Variants in KCNH3 observed in about 807,000 individuals in gnomAD.
KCNH3 encodes the protein voltage-gated inwardly rectifying potassium channel KCNH3.
A neutral mutation model predicts 95.6 loss-of-function variants in KCNH3; 36 were observed. That is an observed-to-expected ratio of 0.38 (90% confidence interval 0.29 to 0.50). KCNH3 has a LOEUF of 0.50. Ranked by LOEUF, KCNH3 falls within the 20% of genes least tolerant of loss-of-function variation. KCNH3 has a pLI of 0.95. For missense variants in KCNH3, 1,030 were observed against 1,484.1 expected (o/e 0.69, Z 5.03); for synonymous variants, 620 against 646.3 (o/e 0.96, Z 0.62).
chr12:49,543,806 A>C, intron 5 of KCNH3, 109 bp from the exon 6 acceptor site: 1 of 1,400,078 alleles, frequency 7.1e-7, no homozygotes. Context: ...AAGACGATGT[A>C]TGGGAAGGGC....
rs148545875 is a variant in KCNH3 at position 49,548,840 on chromosome 12, G to A, written c.1190-55G>A. On this transcript the variant is annotated intron_variant, in intron 7 of 14. Transcript: ENST00000257981. ...CTGCGTGTCCCCACCCCCAGGGCCC[G>A]GCATCCTCGCCCACAGTCTTCCTGC... is the stretch of plus-strand genomic sequence containing the variant. 3,522 of 1,485,894 alleles carry A rather than the reference G, an allele frequency of 2.4e-3. 40 individuals carry two copies. Among genetic ancestry groups the A allele is most frequent in the South Asian group, 0.018 (1,399 of 75,914 alleles). The allele number at this position is 1,485,894 out of a possible 1,614,324, so 92.0% of individuals were successfully genotyped here.
In KCNH3 at chr12:49,557,202, T is replaced by G. The variant is rs761637634; in HGVS notation, c.2595T>G (p.Val865=). 4 of 1,613,484 alleles carry G rather than the reference T, an allele frequency of 2.5e-6. No individual in the cohort carries two copies. The highest frequency in any genetic ancestry group is 3.4e-6 in the Non-Finnish European group (4 of 1,179,858). The change falls in exon 14 of 15, where the codon GTT becomes GTG. Residue 865 remains valine, a synonymous_variant. Coordinates refer to ENST00000257981, the MANE Select transcript of KCNH3 (RefSeq NM_012284.3). Reference sequence around the variant, plus strand: ...CCACAGAGAGCGGCCTGCTCACTGTTCCCCATGGGCCCAGCGAGGCAAGGA... The same window carrying G: ...CCACAGAGAGCGGCCTGCTCACTGTGCCCCATGGGCCCAGCGAGGCAAGGA... The part of the protein sequence containing the change: ...SPGPESGLLT[V]PHGPSEARNT...
rs1411637898 is a variant in KCNH3 at position 49,554,317 on chromosome 12, C to T, written c.1919-20C>T. On this transcript the variant is annotated intron_variant, in intron 10 of 14. Coordinates refer to ENST00000257981, the MANE Select transcript of KCNH3 (RefSeq NM_012284.3). ...GGCTGAAGCTCTCAGGGCTTGCTGA[C>T]CTCTACTTCCTCTCCCCAGGGAAGG... 6.2e-7 allele frequency: 1 copy of T among 1,605,252 alleles called. No homozygotes were observed. The highest frequency in any genetic ancestry group is 8.5e-7 in the Non-Finnish European group (1 of 1,173,242).
Position 49,549,065 on chromosome 12 carries a change from AC to A in KCNH3, c.1362del (p.Ser455ProfsTer37). The A allele has an allele frequency of 6.2e-7, 1 of 1,611,542 alleles. No homozygotes were observed. The highest frequency in any genetic ancestry group is 8.5e-7 in the Non-Finnish European group (1 of 1,179,572). ...GGPSLRSAYI[T>X]SLYFALSSLT... ...CCCGTCGCTGCGCAGCGCCTACATCACCTCCCTCTACTTCGCACTCAGCAGC... is the reference window on the plus strand; with the variant it reads ...CCCGTCGCTGCGCAGCGCCTACATCACTCCCTCTACTTCGCACTCAGCAGC... On this transcript the variant is annotated frameshift_variant, in exon 8 of 15. Coordinates refer to ENST00000257981, the MANE Select transcript of KCNH3 (RefSeq NM_012284.3). LOFTEE classifies it high-confidence loss of function.
At chr12:49,543,714 C>A in intron 5 of KCNH3, 196 bp downstream of exon 5, 1 of 1,006,636 alleles carries the variant, frequency 9.9e-7, no homozygotes, top group African/African-American at 1.6e-5. Flanking sequence ...TGGTCAAAGC[C>A]TCTCTGAGCC....
chr12:49,557,463 C>T lies in KCNH3; in HGVS notation c.2762C>T (p.Ala921Val), dbSNP rs1938512160. The T allele has an allele frequency of 2.5e-6, 4 of 1,611,010 alleles. No homozygotes were observed. Among genetic ancestry groups the T allele is most frequent in the Non-Finnish European group, 3.4e-6 (4 of 1,179,090 alleles). Reference protein sequence around the residue: ...APHREGPCPRASGEGPCPAST... With the variant: ...APHREGPCPRVSGEGPCPAST... The stretch of plus-strand genomic sequence containing the variant: ...CACAGGGAGGGTCCGTGCCCTCGGG[C>T]ATCGGGAGAGGGGCCGTGCCCAGCC... The change falls in exon 15 of 15, where the codon GCA (alanine) becomes GTA (valine). Residue 921 changes from alanine to valine, a missense_variant. Transcript: ENST00000257981.
In KCNH3 at chr12:49,555,929, G is replaced by A; in HGVS notation, c.2446G>A (p.Val816Met). 1.9e-6 allele frequency: 3 copies of A among 1,565,592 alleles called. No homozygotes were observed. The highest frequency in any genetic ancestry group is 2.3e-5 in the South Asian group (2 of 86,400). Residue 816 changes from valine (V) to methionine (M), a missense_variant, in exon 12 of 15, where the codon GTG (valine) becomes ATG (methionine). By Grantham distance (21) the Val-to-Met change is conservative. Coordinates refer to ENST00000257981, the MANE Select transcript of KCNH3 (RefSeq NM_012284.3). Reference sequence around the variant, plus strand: ...ACGGCTGCCCCCCATGCCATGGAATGTGCCCCCAGATCTGAGCCCCAGGTG... The same window carrying A: ...ACGGCTGCCCCCCATGCCATGGAATATGCCCCCAGATCTGAGCCCCAGGTG... ...GLRLPPMPWN[V>M]PPDLSPRVVD... is the part of the protein sequence containing the mutation.
chr12:49,542,628 CTG>C (rs1320387518), intron 3 of KCNH3, 76 bp from the exon 4 acceptor site: 13 of 1,463,574 alleles, frequency 8.9e-6, no homozygotes, highest in Non-Finnish European at 1.2e-5. Flanking sequence ...GGGCCAGCAA[CTG>C]TGTCCTACAC....
intron 8 of KCNH3, 99 bp downstream of exon 8, chr12:49,549,272 T>C (rs1044010763): frequency 2.4e-5 from 35 of 1,481,286 alleles, no homozygotes; most frequent in African/African-American, 4.2e-5. Context: ...CGGGGGCTCT[T>C]CCGCTTTAGG....
At position 49,557,890 on chromosome 12, in the gene KCNH3, G is replaced by A. The variant is rs774423276; in HGVS notation, c.3189G>A (p.Val1063=). The A allele has an allele frequency of 1.6e-5, 24 of 1,544,280 alleles. No individual in the cohort carries two copies. Among genetic ancestry groups the A allele is most frequent in the Non-Finnish European group, 1.9e-5 (22 of 1,146,166 alleles). Residue 1063 remains valine, a synonymous_variant, in exon 15 of 15, where the codon GTG becomes GTA. Coordinates refer to ENST00000257981, the MANE Select transcript of KCNH3 (RefSeq NM_012284.3). The part of the protein sequence containing the change: ...LPWDPHSLEM[V]LIGCHGSGTV... ...GGGACCCCCACAGCCTGGAGATGGT[G>A]CTTATTGGCTGCCATGGCTCTGGCA...
intron 7 of KCNH3, among the ~76,000 whole-genome samples, chr12:49,544,910 C>T (rs1268465481): frequency 6.6e-6 from 1 of 152,140 alleles, no homozygotes; most frequent in Non-Finnish European, 1.5e-5. Flanking sequence ...CACTCTCCTT[C>T]ATGTCACCTC....
intron 10 of KCNH3, among the ~76,000 whole-genome samples, chr12:49,551,594 A>T (rs1002064512): frequency 6.6e-6 from 1 of 151,446 alleles, no homozygotes; most frequent in Non-Finnish European, 1.5e-5. Flanking sequence ...AAAAAAAAAA[A>T]AAAAGAAAAG....
intron 7 of KCNH3, among the ~76,000 whole-genome samples, chr12:49,546,516 T>G (rs1180317463): frequency 6.6e-6 from 1 of 152,260 alleles, no homozygotes; most frequent in African/African-American, 2.4e-5. Flanking sequence ...TTGCCTGGGT[T>G]TCCTTTTCCA....
chr12:49,547,729 AG>A (rs1378480957), intron 7 of KCNH3, among the ~76,000 whole-genome samples: 16 of 152,118 alleles, frequency 1.1e-4, no homozygotes, highest in Admixed American at 1.0e-3. Flanking sequence ...AGTCTGGAGT[AG>A]GGGGTCTGTG....
chr12:49,555,284 CAAAAA>C (rs1157061451), intron 11 of KCNH3, among the ~76,000 whole-genome samples: 2 of 66,870 alleles, frequency 3.0e-5, no homozygotes, highest in African/African-American at 1.2e-4. Context: ...ACTAAAAATA[CAAAAA>C]AAAAAAAAAA....
Position 49,549,160 on chromosome 12 carries a change from C to T in KCNH3, c.1455C>T (p.Thr485=), listed in dbSNP as rs777309623. 4 of 1,594,424 alleles carry T rather than the reference C, an allele frequency of 2.5e-6. No individual in the cohort carries two copies. The highest frequency in any genetic ancestry group is 3.4e-6 in the Non-Finnish European group (4 of 1,168,554). The change falls in exon 8 of 15, where the codon ACC becomes ACT. Residue 485 remains threonine, a synonymous_variant. Coordinates refer to ENST00000257981, the MANE Select transcript of KCNH3 (RefSeq NM_012284.3). The stretch of plus-strand genomic sequence containing the variant: ...CCGAGAAGATCTTCTCCATCTGCAC[C>T]ATGCTCATCGGCGGTGAGCCCGGCC... The part of the protein sequence containing the change: ...TDTEKIFSIC[T]MLIGALMHAV...
At chr12:49,548,811 GTGTC>G in intron 7 of KCNH3, 80 bp from the exon 8 acceptor site, 2 of 1,394,936 alleles carry the variant, frequency 1.4e-6, no homozygotes, top group East Asian at 2.5e-5. Context: ...GGCTGGGTCT[GTGTC>G]TGCGTGTCCC....
At position 49,541,548 on chromosome 12, in the gene KCNH3, G is replaced by A. The variant is rs1004538101; in HGVS notation, c.311-82G>A. On this transcript the variant is annotated intron_variant, in intron 2 of 14. Coordinates refer to ENST00000257981, the MANE Select transcript of KCNH3 (RefSeq NM_012284.3). ...GCTAGATCCTGCCTGTGTCTTGCCC[G>A]GGATGTCAGTGGAGCCAGGGCCTCT... The A allele has an allele frequency of 2.6e-6, 4 of 1,519,890 alleles. 1 individual carries two copies. The highest frequency in any genetic ancestry group is 3.7e-5 in the Admixed American group (2 of 53,552). The allele number at this position is 1,519,890 out of a possible 1,614,324, so 94.2% of individuals were successfully genotyped here. A position where few individuals can be genotyped will look rare whatever the true frequency, so the allele number is the denominator to read the frequency against.
chr12:49,555,446 C>CA (rs762389072), intron 11 of KCNH3, among the ~76,000 whole-genome samples, 174 bp from the exon 12 acceptor site: 6,760 of 79,044 alleles, frequency 0.086, 301 homozygotes, highest in African/African-American at 0.18. Flanking sequence ...GACTCTGTCT[C>CA]AAAAAAAAAA....
Sources: gnomAD v4.1 joint callset for allele counts (sites outside exome capture counted in the v4.1 genomes callset) on GRCh38, gnomAD v4.1.1 for gene constraint, MANE v1.5 for transcripts, NCBI Gene and HGNC (gene_info 2026-07-23, HGNC 2026-07-21) for gene names.